The following PRKAR2B variants were observed in gnomAD, a reference collection of about 807,000 sequenced individuals.
The protein encoded by PRKAR2B is cAMP-dependent protein kinase type II-beta regulatory subunit.
PRKAR2B carries 14 observed loss-of-function variants against 49.9 expected under a neutral mutation model. The ratio of observed to expected loss-of-function variants is 0.28; its 90% CI spans 0.19 to 0.44. The LOEUF is 0.44. Among genes scored for constraint, PRKAR2B ranks in the 20% least tolerant of loss-of-function variants. PRKAR2B has a pLI of 1.00. For synonymous variants in PRKAR2B, 196 were observed against 197.7 expected, an observed-to-expected ratio of 0.99 and a Z score of 0.07; for missense variants, 393 against 537.9, an observed-to-expected ratio of 0.73 and a Z score of 2.67.
chr7:107,146,297 A>G lies in PRKAR2B; in HGVS notation c.588-11A>G. 1 of 1,611,612 alleles carries G rather than the reference A, an allele frequency of 6.2e-7. No homozygotes were observed. The highest frequency in any genetic ancestry group is 8.5e-7 in the Non-Finnish European group (1 of 1,178,390). ...ATTTGAATTAACCTCCAATCTACAT[A>G]TGTCCAACAGAGGCACATTTGATAT... On this transcript the variant is annotated splice_polypyrimidine_tract_variant and intron_variant, in intron 5 of 10. Coordinates refer to ENST00000265717, the MANE Select transcript of PRKAR2B (RefSeq NM_002736.3).
intron 4 of PRKAR2B, among the ~76,000 whole-genome samples, chr7:107,135,989 T>C (rs1795695286): frequency 6.6e-6 from 1 of 152,136 alleles, no homozygotes; most frequent in East Asian, 1.9e-4. Flanking sequence ...ATGTACAAAT[T>C]AATCAGTGGA....
At chr7:107,159,322 A>T in intron 10 of PRKAR2B, 127 bp from the exon 11 acceptor site, 1 of 991,338 alleles carries the variant, frequency 1.0e-6, no homozygotes, top group Admixed American at 2.8e-5. Context: ...TTTTTCTTGT[A>T]TTTTATAGTA....
chr7:107,056,420 T>C (rs1157336388), intron 1 of PRKAR2B, among the ~76,000 whole-genome samples: 1 of 152,256 alleles, frequency 6.6e-6, no homozygotes. Flanking sequence ...ATGGCCATTT[T>C]CACGATATTG....
chr7:107,111,663 A>G (rs1366673804), intron 2 of PRKAR2B, among the ~76,000 whole-genome samples: 2 of 152,194 alleles, frequency 1.3e-5, no homozygotes, highest in Admixed American at 6.5e-5. Flanking sequence ...AGTAGTATAT[A>G]TGAATATTTA....
At chr7:107,055,472 CTGT>C (rs1327889770) in intron 1 of PRKAR2B, among the ~76,000 whole-genome samples, 3 of 152,136 alleles carry the variant, frequency 2.0e-5, no homozygotes, top group Admixed American at 6.5e-5. Context: ...TCTCCAGCAC[CTGT>C]TGTTTCCTGA....
intron 2 of PRKAR2B, among the ~76,000 whole-genome samples, chr7:107,079,260 G>T (rs894325662): frequency 6.6e-6 from 1 of 152,002 alleles, no homozygotes; most frequent in Non-Finnish European, 1.5e-5. Flanking sequence ...ATATAAATTT[G>T]CCACAGCAAT....
At chr7:107,154,205 T>C (rs777218243) in intron 8 of PRKAR2B, among the ~76,000 whole-genome samples, 5 of 152,198 alleles carry the variant, frequency 3.3e-5, no homozygotes, top group African/African-American at 1.2e-4. Flanking sequence ...AATGATTTTT[T>C]AAGGTTTTAT....
intron 2 of PRKAR2B, among the ~76,000 whole-genome samples, chr7:107,079,821 C>G (rs1794482680): frequency 6.6e-6 from 1 of 152,256 alleles, no homozygotes; most frequent in South Asian, 2.1e-4. Flanking sequence ...CAAGGACACT[C>G]TGGATGAGGT....
intron 6 of PRKAR2B, among the ~76,000 whole-genome samples, chr7:107,150,398 A>G (rs959114677): frequency 5.9e-5 from 9 of 152,112 alleles, no homozygotes; most frequent in Admixed American, 3.3e-4. Flanking sequence ...ATGTGTATAT[A>G]TTTACAGGGT....
At chr7:107,155,694 C>T (rs1180513844) in intron 8 of PRKAR2B, among the ~76,000 whole-genome samples, 1 of 151,658 alleles carries the variant, frequency 6.6e-6, no homozygotes, top group Non-Finnish European at 1.5e-5. Flanking sequence ...AGTGTCCGTT[C>T]ATATCCTTTG....
rs77698007 is a variant in PRKAR2B at position 107,050,402 on chromosome 7, C to T, written c.307+5188C>T. On this transcript the variant is annotated intron_variant, in intron 1 of 10. Transcript: ENST00000265717. The stretch of plus-strand genomic sequence containing the variant: ...ATTGATGTGCTGTGTCTGGGTAGAA[C>T]AGGAGTGAATATTGAATGGTTATTT... Among the ~76,000 whole-genome samples, 613 of 115,520 alleles carry T rather than the reference C, an allele frequency of 5.3e-3. 9 individuals carry two copies. The highest frequency in any genetic ancestry group is 0.02 in the African/African-American group (584 of 29,400). The allele number at this position is 115,520 out of a possible 152,430, so 75.8% of individuals were successfully genotyped here.
chr7:107,064,707 G>A (rs567341222), intron 1 of PRKAR2B, among the ~76,000 whole-genome samples: 57 of 152,264 alleles, frequency 3.7e-4, no homozygotes, highest in African/African-American at 1.2e-3. Flanking sequence ...TAGGCACTGT[G>A]TATCTAGAAA....
chr7:107,157,839 G>A (rs1370606570), intron 10 of PRKAR2B, among the ~76,000 whole-genome samples: 1 of 152,058 alleles, frequency 6.6e-6, no homozygotes, highest in Non-Finnish European at 1.5e-5. Context: ...TCATCTTCAG[G>A]TGCAGGCATC....
At chr7:107,147,721 A>G (rs778247760) in intron 6 of PRKAR2B, among the ~76,000 whole-genome samples, 3 of 152,242 alleles carry the variant, frequency 2.0e-5, no homozygotes, top group Non-Finnish European at 4.4e-5. Context: ...TTTACAGTAT[A>G]TGTATTTTCT....
At chr7:107,056,423 C>G (rs547511295) in intron 1 of PRKAR2B, among the ~76,000 whole-genome samples, 3 of 152,226 alleles carry the variant, frequency 2.0e-5, no homozygotes, top group Admixed American at 2.0e-4. Context: ...GCCATTTTCA[C>G]GATATTGATT....
At chr7:107,115,808 T>C (rs1392763329) in intron 2 of PRKAR2B, among the ~76,000 whole-genome samples, 1 of 152,234 alleles carries the variant, frequency 6.6e-6, no homozygotes, top group African/African-American at 2.4e-5. Flanking sequence ...CCCATCTTGC[T>C]GAAGTTAGGA....
rs766356921 is a variant in PRKAR2B, at chr7:107,157,308, G to A, written c.1107G>A (p.Gly369=). 24 of 1,613,674 alleles carry A rather than the reference G, an allele frequency of 1.5e-5. No individual in the cohort carries two copies. Among genetic ancestry groups the A allele is most frequent in the Non-Finnish European group, 1.9e-5 (23 of 1,179,848 alleles). Residue 369 remains glycine, a synonymous_variant, in exon 10 of 11, where the codon GGG becomes GGA. Coordinates refer to ENST00000265717, the MANE Select transcript of PRKAR2B (RefSeq NM_002736.3). ...KPRAASAHAI[G]TVKCLAMDVQ... ...GAGCAGCTTCTGCCCACGCCATTGG[G>A]ACTGTCAAATGTTTAGGTAGGGATT... is the stretch of plus-strand genomic sequence containing the variant.
rs953497388 is a variant in PRKAR2B, at chr7:107,097,527, A to T, written c.344-24425A>T. ...ATTTACATTTAAGGTTAATAATGTTATGTGTAAATTTGATCCTGTCATTAT... is the reference window on the plus strand; with the variant it reads ...ATTTACATTTAAGGTTAATAATGTTTTGTGTAAATTTGATCCTGTCATTAT... On this transcript the variant is annotated intron_variant, in intron 2 of 10. Coordinates refer to ENST00000265717, the MANE Select transcript of PRKAR2B (RefSeq NM_002736.3). 2.5e-4 allele frequency among the ~76,000 whole-genome samples: 38 copies of T among 152,238 alleles called. 1 individual carries two copies. The highest frequency in any genetic ancestry group is 3.4e-3 in the Middle Eastern group (1 of 294).
chr7:107,101,126 T>C (rs1254685539), intron 2 of PRKAR2B, among the ~76,000 whole-genome samples: 2 of 149,482 alleles, frequency 1.3e-5, no homozygotes, highest in East Asian at 3.9e-4. Context: ...CCTCTCCAGG[T>C]TGTTGCTTAT....
Sources: gnomAD v4.1 joint callset for allele counts (sites outside exome capture counted in the v4.1 genomes callset) on GRCh38, gnomAD v4.1.1 for gene constraint, MANE v1.5 for transcripts, NCBI Gene and HGNC (gene_info 2026-07-23, HGNC 2026-07-21) for gene names.